Variants in ZNF385B observed in about 807,000 individuals in gnomAD.
ZNF385B encodes zinc finger protein 385B.
A neutral mutation model predicts 39.2 loss-of-function variants in ZNF385B; 23 were observed. The observed-to-expected ratio is 0.59, with a 90% CI of 0.42 to 0.83. The LOEUF is 0.83. Ranked by LOEUF, ZNF385B falls within the 40% of genes least tolerant of loss-of-function variation. The probability of loss-of-function intolerance (pLI) is 0.00; values close to 1 mark genes in which losing one functional copy is unlikely to be tolerated. For synonymous variants in ZNF385B, 205 were observed against 222.6 expected, an observed-to-expected ratio of 0.92 and a Z score of 0.70; for missense variants, 552 against 598.9, an observed-to-expected ratio of 0.92 and a Z score of 0.82.
chr2:179,566,204 A>G (rs1684558860), intron 3 of ZNF385B, among the ~76,000 whole-genome samples: 1 of 152,246 alleles, frequency 6.6e-6, no homozygotes, highest in African/African-American at 2.4e-5. Flanking sequence ...TTACAGAAAC[A>G]AGTTTAAGAC....
At chr2:179,733,985 C>T (rs1410521054) in intron 3 of ZNF385B, among the ~76,000 whole-genome samples, 2 of 152,120 alleles carry the variant, frequency 1.3e-5, no homozygotes, top group Non-Finnish European at 2.9e-5. Flanking sequence ...TACACACATA[C>T]AAACATACAC....
chr2:179,778,334 C>T (rs1379533398), intron 1 of ZNF385B, among the ~76,000 whole-genome samples: 1 of 150,916 alleles, frequency 6.6e-6, no homozygotes, highest in Non-Finnish European at 1.5e-5. Context: ...AGCTCTGTTC[C>T]TCCCACTACG....
intron 1 of ZNF385B, among the ~76,000 whole-genome samples, chr2:179,807,764 A>G (rs562987189): frequency 4.4e-4 from 66 of 151,568 alleles, no homozygotes; most frequent in Non-Finnish European, 6.5e-4. Flanking sequence ...GCGTGGTGGC[A>G]GGCGCCTGTA....
At chr2:179,770,442 C>G (rs966174180) in intron 2 of ZNF385B, 79 bp downstream of exon 2, 2 of 152,292 alleles carry the variant, frequency 1.3e-5, no homozygotes, top group African/African-American at 4.8e-5. Context: ...CAGCATACAC[C>G]TGGGCATATA....
At chr2:179,838,074 A>C (rs1274264486) in intron 1 of ZNF385B, among the ~76,000 whole-genome samples, 1 of 152,210 alleles carries the variant, frequency 6.6e-6, no homozygotes, top group Non-Finnish European at 1.5e-5. Flanking sequence ...GATATTTCTT[A>C]TTCAAGGCCC....
chr2:179,685,088 GA>G, intron 3 of ZNF385B, among the ~76,000 whole-genome samples: 1 of 152,236 alleles, frequency 6.6e-6, no homozygotes. Flanking sequence ...CAAGAAACTT[GA>G]AAAATGGGTA....
At chr2:179,672,544 T>C (rs1696163562) in intron 3 of ZNF385B, among the ~76,000 whole-genome samples, 1 of 152,124 alleles carries the variant, frequency 6.6e-6, no homozygotes, top group Non-Finnish European at 1.5e-5. Flanking sequence ...AATGTTTGTG[T>C]CCCTCCCAAA....
At chr2:179,464,234 G>C (rs2051712310) in intron 6 of ZNF385B, among the ~76,000 whole-genome samples, 1 of 152,112 alleles carries the variant, frequency 6.6e-6, no homozygotes, top group Non-Finnish European at 1.5e-5. Flanking sequence ...ATTCTTTGTA[G>C]ATTCTGGATA....
At chr2:179,827,665 T>G (rs1707754119) in intron 1 of ZNF385B, among the ~76,000 whole-genome samples, 1 of 152,194 alleles carries the variant, frequency 6.6e-6, no homozygotes, top group Non-Finnish European at 1.5e-5. Flanking sequence ...CATTAACTGC[T>G]CCCTATTAAA....
At chr2:179,565,680 C>G (rs1170846824) in intron 3 of ZNF385B, among the ~76,000 whole-genome samples, 2 of 152,226 alleles carry the variant, frequency 1.3e-5, no homozygotes, top group African/African-American at 4.8e-5. Flanking sequence ...CGTTCTATCA[C>G]TTTTCTCATG....
rs879480999 is a variant in ZNF385B, at chr2:179,537,329, AAAT to A, written c.441+7495_441+7497del. Among the ~76,000 whole-genome samples the A allele has an allele frequency of 4.8e-3, 728 of 150,976 alleles. 4 individuals are homozygous for A. The highest frequency in any genetic ancestry group is 0.017 in the African/African-American group (692 of 40,682). Reference sequence around the variant, plus strand: ...AAAAAAAAAAAAATAAATAAAAAAAAAATAAAAAAGAAAAGAAAAGGAAAAAGA... The same window carrying A: ...AAAAAAAAAAAAATAAATAAAAAAAAAAAAAAGAAAAGAAAAGGAAAAAGA... On this transcript the variant is annotated intron_variant, in intron 4 of 9. Transcript: ENST00000410066.
At chr2:179,788,511 G>C (rs1705138996) in intron 1 of ZNF385B, among the ~76,000 whole-genome samples, 1 of 152,130 alleles carries the variant, frequency 6.6e-6, no homozygotes, top group Admixed American at 6.6e-5. Flanking sequence ...CTAAAAGTGG[G>C]CAGCTTTGGT....
At chr2:179,616,195 T>C (rs948616128) in intron 3 of ZNF385B, among the ~76,000 whole-genome samples, 2 of 152,186 alleles carry the variant, frequency 1.3e-5, no homozygotes, top group South Asian at 2.1e-4. Context: ...GTTTGTTTCA[T>C]AGGGCTATTG....
At chr2:179,751,549 A>G (rs1017145253) in intron 3 of ZNF385B, among the ~76,000 whole-genome samples, 5 of 152,156 alleles carry the variant, frequency 3.3e-5, no homozygotes, top group Non-Finnish European at 7.4e-5. Flanking sequence ...CACATATTTT[A>G]AGAGTTATAA....
intron 3 of ZNF385B, among the ~76,000 whole-genome samples, chr2:179,662,586 G>T (rs1186370006): frequency 6.6e-6 from 1 of 152,118 alleles, no homozygotes; most frequent in Non-Finnish European, 1.5e-5. Flanking sequence ...TTGAATAGCA[G>T]TAGGATTATC....
Position 179,683,105 on chromosome 2 carries a change from G to C in ZNF385B, c.298+86398C>G, listed in dbSNP as rs139961811. Among the ~76,000 whole-genome samples, 874 of 152,218 alleles carry C rather than the reference G, an allele frequency of 5.7e-3. 9 individuals carry two copies. The highest frequency in any genetic ancestry group is 0.019 in the African/African-American group (775 of 41,538). ...CATAAAGTTAAGATGAGAAACACCA[G>C]GCCAGGCGCCGGTGGCTCACACCTG... is the stretch of plus-strand genomic sequence containing the variant. On this transcript the variant is annotated intron_variant, in intron 3 of 9. Coordinates refer to ENST00000410066, the MANE Select transcript of ZNF385B (RefSeq NM_152520.6).
At chr2:179,592,233 T>TAC (rs931263560) in intron 3 of ZNF385B, among the ~76,000 whole-genome samples, 3 of 152,156 alleles carry the variant, frequency 2.0e-5, no homozygotes, top group African/African-American at 7.2e-5. Context: ...AAGAGCTCTC[T>TAC]ACACCCTCTT....
At position 179,607,975 on chromosome 2, in the gene ZNF385B, C is replaced by T. The variant is rs538394469; in HGVS notation, c.299-63006G>A. 5.1e-5 allele frequency among the ~76,000 whole-genome samples: 7 copies of T among 138,406 alleles called. No individual in the cohort carries two copies. In the South Asian group the frequency reaches 1.6e-3, roughly 32 times the overall value. 90.8% of individuals were successfully genotyped at this position (138,406 alleles called of 152,430 possible). On this transcript the variant is annotated intron_variant, in intron 3 of 9. Coordinates refer to ENST00000410066, the MANE Select transcript of ZNF385B (RefSeq NM_152520.6). ...TGTTGCCCAGGCTGGAGTGCAATGG[C>T]GCAATCCTGGCTCACTGTAATCTCT...
At chr2:179,614,497 G>A (rs375745803) in intron 3 of ZNF385B, among the ~76,000 whole-genome samples, 21 of 152,154 alleles carry the variant, frequency 1.4e-4, no homozygotes, top group African/African-American at 5.1e-4. Context: ...TTGTCTGAAA[G>A]GGGTTTTCTG....
Sources: gnomAD v4.1 joint callset for allele counts (sites outside exome capture counted in the v4.1 genomes callset) on GRCh38, gnomAD v4.1.1 for gene constraint, MANE v1.5 for transcripts, NCBI Gene and HGNC (gene_info 2026-07-23, HGNC 2026-07-21) for gene names.